Variants in SPAG16 observed in about 807,000 individuals in gnomAD.
SPAG16 encodes sperm-associated antigen 16 protein.
In SPAG16, 86 loss-of-function variants were observed where a neutral mutation model predicts 80.4. The ratio of observed to expected loss-of-function variants is 1.07; its 90% CI spans 0.90 to 1.28. The LOEUF is 1.28. Among genes scored for constraint, SPAG16 ranks in the 50% most tolerant of loss-of-function variants. The probability of loss-of-function intolerance (pLI) is 0.00; values close to 1 mark genes in which losing one functional copy is unlikely to be tolerated. For missense variants in SPAG16, 870 were observed against 765.3 expected (o/e 1.14, Z -1.61); for synonymous variants, 294 against 265.9 (o/e 1.11, Z -1.03).
chr2:213,868,052 G>A (rs570825969), intron 11 of SPAG16, among the ~76,000 whole-genome samples: 6 of 151,378 alleles, frequency 4.0e-5, no homozygotes, highest in Admixed American at 6.6e-5. Flanking sequence ...TTGGAAAAAT[G>A]ATATGCAACC....
At chr2:213,397,593 G>A (rs1180205830) in intron 9 of SPAG16, among the ~76,000 whole-genome samples, 1 of 152,154 alleles carries the variant, frequency 6.6e-6, no homozygotes, top group African/African-American at 2.4e-5. Flanking sequence ...TGATATGGAT[G>A]ATCCTTCTAA....
chr2:214,042,848 GT>G, intron 13 of SPAG16, among the ~76,000 whole-genome samples: 1 of 152,122 alleles, frequency 6.6e-6, no homozygotes, highest in Non-Finnish European at 1.5e-5. Context: ...TTAGAGGGAA[GT>G]TTTGATGAAA....
At chr2:213,874,617 T>C (rs992383631) in intron 11 of SPAG16, among the ~76,000 whole-genome samples, 2 of 152,138 alleles carry the variant, frequency 1.3e-5, no homozygotes, top group African/African-American at 4.8e-5. Context: ...ACATGAGTAA[T>C]GTGTAGCCAT....
chr2:214,366,777 C>T (rs1334984390), intron 15 of SPAG16, among the ~76,000 whole-genome samples: 4 of 152,042 alleles, frequency 2.6e-5, no homozygotes, highest in African/African-American at 9.7e-5. Context: ...GAATTAAATG[C>T]CCAGTGCTTC....
chr2:214,323,895 A>G (rs16851771), intron 15 of SPAG16, among the ~76,000 whole-genome samples: 13,977 of 152,274 alleles, frequency 0.092, 817 homozygotes, highest in African/African-American at 0.17. Context: ...TTATATGTAA[A>G]GAAAGCTGCA....
chr2:213,418,183 T>C (rs2069376997), intron 9 of SPAG16, among the ~76,000 whole-genome samples: 2 of 152,168 alleles, frequency 1.3e-5, no homozygotes, highest in Non-Finnish European at 2.9e-5. Context: ...ACAGCATATA[T>C]ACTATTAAAC....
At chr2:213,434,276 A>T (rs943443480) in intron 9 of SPAG16, among the ~76,000 whole-genome samples, 1 of 152,144 alleles carries the variant, frequency 6.6e-6, no homozygotes. Context: ...ATGCAGAAGG[A>T]TAAAACTAGA....
At chr2:214,400,441 A>G (rs567050171) in intron 15 of SPAG16, among the ~76,000 whole-genome samples, 5 of 152,052 alleles carry the variant, frequency 3.3e-5, no homozygotes, top group Non-Finnish European at 5.9e-5. Context: ...TGTAGCATTT[A>G]TATTGTATTA....
At chr2:214,146,695 A>G (rs755891544) in intron 14 of SPAG16, among the ~76,000 whole-genome samples, 1 of 152,092 alleles carries the variant, frequency 6.6e-6, no homozygotes, top group Non-Finnish European at 1.5e-5. Context: ...ACTTATTTCT[A>G]TTACTTAAAA....
At chr2:213,370,633 A>G (rs1020529751) in intron 8 of SPAG16, among the ~76,000 whole-genome samples, 5 of 152,212 alleles carry the variant, frequency 3.3e-5, no homozygotes, top group African/African-American at 7.2e-5. Context: ...GTTTGCACCA[A>G]TTAATCTCTA....
intron 13 of SPAG16, among the ~76,000 whole-genome samples, chr2:214,103,085 TC>T (rs1209506902): frequency 2.0e-5 from 3 of 152,134 alleles, no homozygotes; most frequent in Non-Finnish European, 4.4e-5. Context: ...TGAGGTTTTT[TC>T]CTTTCTCCAG....
At chr2:213,732,948 G>C (rs1172883769) in intron 10 of SPAG16, among the ~76,000 whole-genome samples, 1 of 152,164 alleles carries the variant, frequency 6.6e-6, no homozygotes, top group African/African-American at 2.4e-5. Context: ...TTGAGGAATT[G>C]CCACACTGTC....
intron 3 of SPAG16, among the ~76,000 whole-genome samples, chr2:213,301,118 A>C (rs1286618470): frequency 6.6e-6 from 1 of 152,202 alleles, no homozygotes; most frequent in Non-Finnish European, 1.5e-5. Flanking sequence ...TAACTCTCAC[A>C]TCATAATGCT....
At chr2:214,281,994 G>A (rs1692975328) in intron 15 of SPAG16, among the ~76,000 whole-genome samples, 1 of 152,178 alleles carries the variant, frequency 6.6e-6, no homozygotes, top group African/African-American at 2.4e-5. Context: ...GTGGCTTCCT[G>A]TAGAGAGGAT....
chr2:213,618,651 C>T (rs962730712), intron 10 of SPAG16, among the ~76,000 whole-genome samples: 17 of 151,566 alleles, frequency 1.1e-4, no homozygotes, highest in African/African-American at 3.6e-4. Context: ...TAAACAGAAT[C>T]GTGTTTATAG....
At chr2:213,426,683 C>T (rs2069936245) in intron 9 of SPAG16, among the ~76,000 whole-genome samples, 1 of 151,926 alleles carries the variant, frequency 6.6e-6, no homozygotes, top group Admixed American at 6.5e-5. Context: ...TTCTCCTATA[C>T]TACCATCATC....
At chr2:213,464,412 A>G (rs934221540) in intron 9 of SPAG16, among the ~76,000 whole-genome samples, 2 of 152,160 alleles carry the variant, frequency 1.3e-5, no homozygotes, top group African/African-American at 2.4e-5. Flanking sequence ...AGTGCCTTTG[A>G]GTCCCCCTGG....
chr2:213,838,975 A>G (rs1030078525), intron 10 of SPAG16, among the ~76,000 whole-genome samples: 1 of 152,226 alleles, frequency 6.6e-6, no homozygotes, highest in Non-Finnish European at 1.5e-5. Flanking sequence ...ATTTTATTTA[A>G]CAGTCACGTG....
At chr2:214,022,185 G>A (rs138264277) in intron 13 of SPAG16, among the ~76,000 whole-genome samples, 127 of 151,390 alleles carry the variant, frequency 8.4e-4, no homozygotes, top group African/African-American at 2.8e-3. Flanking sequence ...CTAACATTTC[G>A]TGTAATTACT....
Sources: gnomAD v4.1 joint callset for allele counts (sites outside exome capture counted in the v4.1 genomes callset) on GRCh38, gnomAD v4.1.1 for gene constraint, MANE v1.5 for transcripts, NCBI Gene and HGNC (gene_info 2026-07-23, HGNC 2026-07-21) for gene names.